Variants in RARS2 observed in about 807,000 individuals in gnomAD.
The protein encoded by RARS2 is arginyl-tRNA synthetase 2, mitochondrial.
Under a neutral mutation model 88.5 loss-of-function variants are expected in RARS2, and 67 were observed. The observed-to-expected ratio is 0.76, with a 90% confidence interval of 0.62 to 0.93. The LOEUF (loss-of-function observed/expected upper bound fraction) is 0.93, where lower values mean the gene tolerates loss of function less well. Ranked by LOEUF, RARS2 falls within the 40% of genes least tolerant of loss-of-function variation. The pLI, the probability that RARS2 is intolerant of heterozygous loss-of-function variation, is 0.00. For missense variants in RARS2, 664 were observed against 684.2 expected (o/e 0.97, Z 0.33); for synonymous variants, 239 against 230.3 (o/e 1.04, Z -0.34).
At chr6:87,570,578 G>T (rs970526291) in intron 1 of RARS2, among the ~76,000 whole-genome samples, 2 of 151,878 alleles carry the variant, frequency 1.3e-5, no homozygotes, top group East Asian at 1.9e-4. Flanking sequence ...ACCACCAAGC[G>T]CAGCTAATTT....
chr6:87,548,962 T>G (rs1346494592), intron 5 of RARS2, among the ~76,000 whole-genome samples: 2 of 152,136 alleles, frequency 1.3e-5, no homozygotes, highest in Non-Finnish European at 2.9e-5. Flanking sequence ...GCCTGTAATC[T>G]CAGCACTTTG....
chr6:87,589,100 G>A (rs28381455), intron 1 of RARS2, among the ~76,000 whole-genome samples: 195 of 152,274 alleles, frequency 1.3e-3, no homozygotes, highest in African/African-American at 4.0e-3. Context: ...GGCTAATTAC[G>A]TCCACTAGTA....
At position 87,518,821 on chromosome 6, in the gene RARS2, G is replaced by T; in HGVS notation, c.1305+3C>A. On this transcript the variant is annotated splice_donor_region_variant and intron_variant, in intron 15 of 19. Transcript: ENST00000369536. ...GGCCTCACAGGTAGGAGTCTTAACA[G>T]ACCTGAATAATGAGTGCTGCGAGCC... The T allele has an allele frequency of 1.2e-6, 2 of 1,613,916 alleles. No individual in the cohort carries two copies. Among genetic ancestry groups the T allele is most frequent in the African/African-American group, 1.3e-5 (1 of 75,034 alleles).
Position 87,520,268 on chromosome 6 carries a change from A to AAT in RARS2, c.1036-14_1036-13dup. The AAT allele has an allele frequency of 1.3e-6, 2 of 1,559,390 alleles. No individual in the cohort carries two copies. Among genetic ancestry groups the AAT allele is most frequent in the Non-Finnish European group, 1.8e-6 (2 of 1,132,004 alleles). On this transcript the variant is annotated splice_polypyrimidine_tract_variant and intron_variant, in intron 12 of 19. Transcript: ENST00000369536. ...TGTCCTTTATCTGTCTTGGGAAGAA[A>AAT]ATATATATAAAATAAAAGAATACTG...
intron 17 of RARS2, 139 bp downstream of exon 17, chr6:87,518,030 A>G (rs1772397557): frequency 6.6e-7 from 1 of 1,517,068 alleles, no homozygotes; most frequent in Non-Finnish European, 9.0e-7. Flanking sequence ...GCAAATAATC[A>G]CTTTTTAAGG....
At chr6:87,584,091 C>G (rs1417636082) in intron 1 of RARS2, among the ~76,000 whole-genome samples, 1 of 152,194 alleles carries the variant, frequency 6.6e-6, no homozygotes, top group African/African-American at 2.4e-5. Context: ...GTTCCTCACT[C>G]CAGAGCAAAG....
chr6:87,519,466 CAA>C (rs1342900891), intron 14 of RARS2, 115 bp downstream of exon 14: 1 of 1,192,154 alleles, frequency 8.4e-7, no homozygotes, highest in African/African-American at 1.5e-5. Context: ...GTATTTTTGA[CAA>C]AGTTAGTGAC....
intron 7 of RARS2, 93 bp from the exon 8 acceptor site, chr6:87,542,087 C>T (rs1781177654): frequency 1.0e-6 from 1 of 956,424 alleles, no homozygotes; most frequent in African/African-American, 1.6e-5. Context: ...AAAAGACCAA[C>T]CTGTCATATT....
chr6:87,561,767 A>C (rs1388664498), intron 4 of RARS2, among the ~76,000 whole-genome samples: 1 of 152,184 alleles, frequency 6.6e-6, no homozygotes, highest in Non-Finnish European at 1.5e-5. Context: ...TCTCACTAAG[A>C]TTCAGATCCT....
chr6:87,539,054 A>G (rs910220458), intron 8 of RARS2, among the ~76,000 whole-genome samples: 20 of 151,538 alleles, frequency 1.3e-4, no homozygotes, highest in East Asian at 3.9e-4. Context: ...ATAAATAAAT[A>G]AATGAATAAA....
At position 87,524,572 on chromosome 6, in the gene RARS2, G is replaced by A; in HGVS notation, c.959C>T (p.Ser320Phe). ...ICTVMRSDGT[S>F]LYATRDLAAA... ...GGCTACAAACCTGGTTGCATAGAGAGAAGTCCCATCACTTCGCATTACAGT... is the reference window on the plus strand; with the variant it reads ...GGCTACAAACCTGGTTGCATAGAGAAAAGTCCCATCACTTCGCATTACAGT... The change falls in exon 11 of 20, where the codon TCT becomes TTT. Residue 320 changes from serine (S) to phenylalanine (F), a missense_variant. Transcript: ENST00000369536. 1 of 1,611,126 alleles carries A rather than the reference G, an allele frequency of 6.2e-7. No individual in the cohort carries two copies. Among genetic ancestry groups the A allele is most frequent in the Non-Finnish European group, 8.5e-7 (1 of 1,177,348 alleles).
At chr6:87,541,813 G>A in intron 8 of RARS2, 105 bp downstream of exon 8, 1 of 865,392 alleles carries the variant, frequency 1.2e-6, no homozygotes, top group Middle Eastern at 2.5e-4. Flanking sequence ...AACAGAGCGA[G>A]ACCCTGTCTC....
At chr6:87,578,968 A>AAC (rs1249895789) in intron 1 of RARS2, among the ~76,000 whole-genome samples, 1 of 150,634 alleles carries the variant, frequency 6.6e-6, no homozygotes, top group African/African-American at 2.4e-5. Flanking sequence ...CAAAAAAAAA[A>AAC]AAAAAAAAAA....
intron 1 of RARS2, among the ~76,000 whole-genome samples, chr6:87,582,712 A>G (rs1773987992): frequency 1.3e-5 from 2 of 152,224 alleles, no homozygotes; most frequent in African/African-American, 4.8e-5. Flanking sequence ...ATGTGGATGA[A>G]TATCTGCCCA....
intron 2 of RARS2, among the ~76,000 whole-genome samples, chr6:87,567,081 G>GT (rs1217943456): frequency 6.6e-6 from 1 of 151,780 alleles, no homozygotes; most frequent in East Asian, 1.9e-4. Context: ...GTGAAACCCC[G>GT]TCTCTACTAA....
chr6:87,532,421 T>C (rs1370289416), intron 8 of RARS2, among the ~76,000 whole-genome samples: 1 of 152,208 alleles, frequency 6.6e-6, no homozygotes, highest in Non-Finnish European at 1.5e-5. Context: ...GCTTTCCTTC[T>C]GGGAGTTTGG....
chr6:87,566,849 C>CAAAAA (rs36032606), intron 2 of RARS2, among the ~76,000 whole-genome samples: 14 of 60,222 alleles, frequency 2.3e-4, no homozygotes, highest in African/African-American at 3.9e-4. Flanking sequence ...GGTCCTGTCT[C>CAAAAA]AAAAAAAAAA....
intron 9 of RARS2, among the ~76,000 whole-genome samples, chr6:87,530,410 G>A (rs2295086): frequency 0.22 from 33,746 of 152,088 alleles, 4,042 homozygotes; most frequent in African/African-American, 0.32. Context: ...TAAGGTCTGC[G>A]AGAACAAGGG....
At chr6:87,545,466 A>G (rs1389577758) in intron 7 of RARS2, 150 bp downstream of exon 7, 2 of 904,762 alleles carry the variant, frequency 2.2e-6, no homozygotes, top group East Asian at 5.4e-5. Flanking sequence ...AGAAGATTTT[A>G]TGCAAAAGAG....
Sources: allele counts gnomAD v4.1 joint callset (sites outside exome capture counted in the v4.1 genomes callset), GRCh38; gene constraint gnomAD v4.1.1; transcripts MANE v1.5; gene names NCBI Gene and HGNC (gene_info 2026-07-23, HGNC 2026-07-21).